The following CSMD3 variants were observed in gnomAD, a reference collection of about 807,000 sequenced individuals.
CSMD3 encodes CUB and sushi domain-containing protein 3.
A neutral mutation model predicts 435.2 loss-of-function variants in CSMD3; 177 were observed. That is an observed-to-expected ratio of 0.41 (90% confidence interval 0.36 to 0.46). The LOEUF (loss-of-function observed/expected upper bound fraction) is 0.46. Among genes scored for constraint, CSMD3 ranks in the 20% least tolerant of loss-of-function variants. The pLI, the probability that CSMD3 is intolerant of heterozygous loss-of-function variation, is 0.34. For synonymous variants in CSMD3, 1,656 were observed against 1,520.5 expected (o/e 1.09, Z -2.07); for missense variants, 4,265 against 4,504.6 (o/e 0.95, Z 1.52).
At chr8:113,219,437 A>G (rs887873537) in intron 3 of CSMD3, among the ~76,000 whole-genome samples, 3 of 151,464 alleles carry the variant, frequency 2.0e-5, no homozygotes, top group Non-Finnish European at 3.0e-5. Flanking sequence ...ATCAGTTAGA[A>G]GAAGATATAA....
chr8:113,105,186 A>G (rs944636342), intron 4 of CSMD3, among the ~76,000 whole-genome samples: 4 of 152,062 alleles, frequency 2.6e-5, no homozygotes, highest in African/African-American at 9.7e-5. Flanking sequence ...AAAAATTAAA[A>G]CTGAGAAAAA....
intron 4 of CSMD3, among the ~76,000 whole-genome samples, chr8:113,163,468 G>C (rs1481937685): frequency 6.6e-6 from 1 of 151,842 alleles, no homozygotes; most frequent in Non-Finnish European, 1.5e-5. Flanking sequence ...TTAGAAATTA[G>C]TGCTAAGTAT....
intron 14 of CSMD3, among the ~76,000 whole-genome samples, chr8:112,688,587 T>C (rs945437447): frequency 4.6e-5 from 7 of 152,108 alleles, no homozygotes; most frequent in Non-Finnish European, 8.8e-5. Flanking sequence ...TTCGTTCTCA[T>C]AAAATTTTAT....
At chr8:113,424,669 G>A (rs991097463) in intron 1 of CSMD3, among the ~76,000 whole-genome samples, 7 of 151,382 alleles carry the variant, frequency 4.6e-5, no homozygotes, top group African/African-American at 1.7e-4. Flanking sequence ...AAATACATGT[G>A]GGATCTTCAT....
chr8:112,954,000 A>G (rs2083918823), intron 8 of CSMD3, among the ~76,000 whole-genome samples: 1 of 150,946 alleles, frequency 6.6e-6, no homozygotes, highest in South Asian at 2.1e-4. Flanking sequence ...AATTTTGACT[A>G]CAAAAATACA....
chr8:112,228,986 A>T, intron 69 of CSMD3, 95 bp from the exon 70 acceptor site: 1 of 731,658 alleles, frequency 1.4e-6, no homozygotes, highest in Non-Finnish European at 2.3e-6. Context: ...TTCTCAAGAT[A>T]TCTACCTGGA....
chr8:113,264,917 G>T lies in CSMD3; in HGVS notation c.514+13675C>A, dbSNP rs1224938882. Among the ~76,000 whole-genome samples the T allele has an allele frequency of 4.6e-5, 7 of 151,658 alleles. No homozygotes were observed. The South Asian group carries it at 1.2e-3, about 27-fold the overall frequency. On this transcript the variant is annotated intron_variant, in intron 3 of 70. Transcript: ENST00000297405. ...AATCAATTTTTTTGTTAGATGGTCT[G>T]TATATCAGCTGAGTTTAACAAGCAT...
At position 113,112,454 on chromosome 8, in the gene CSMD3, TAC is replaced by T. The variant is rs1194208817; in HGVS notation, c.710-13493_710-13492del. On this transcript the variant is annotated intron_variant, in intron 4 of 70. Transcript: ENST00000297405. ...ATATATATATATATATATATGTATA[TAC>T]ACACACACACACACACGTACACACA... Among the ~76,000 whole-genome samples, 368 of 45,268 alleles carry T rather than the reference TAC, an allele frequency of 8.1e-3. 11 individuals carry two copies. The highest frequency in any genetic ancestry group is 0.029 in the African/African-American group (305 of 10,536). 29.7% of individuals were successfully genotyped at this position (45,268 alleles called of 152,430 possible). A position where few individuals can be genotyped will look rare whatever the true frequency, so the allele number is the denominator to read the frequency against.
rs562475196 is a variant in CSMD3, at chr8:112,414,859, G to A, written c.5396-5827C>T. On this transcript the variant is annotated intron_variant, in intron 32 of 70. Coordinates refer to ENST00000297405, the MANE Select transcript of CSMD3 (RefSeq NM_198123.2). ...CTCTGCTTTAGTAAAGAGACTGGTGGCATTTTGCCCCTGTGCTAGAGATGT... is the reference window on the plus strand; with the variant it reads ...CTCTGCTTTAGTAAAGAGACTGGTGACATTTTGCCCCTGTGCTAGAGATGT... Among the ~76,000 whole-genome samples the A allele has an allele frequency of 3.3e-5, 5 of 152,264 alleles. No individual in the cohort carries two copies. The South Asian group carries it at 1.0e-3, about 32-fold the overall frequency.
intron 10 of CSMD3, among the ~76,000 whole-genome samples, chr8:112,870,960 C>G (rs2081119332): frequency 1.3e-5 from 2 of 152,096 alleles, no homozygotes; most frequent in African/African-American, 4.8e-5. Context: ...ATTTCCATCT[C>G]CCCCCACCAC....
intron 22 of CSMD3, among the ~76,000 whole-genome samples, chr8:112,622,266 T>G (rs555791460): frequency 6.6e-6 from 1 of 152,138 alleles, no homozygotes; most frequent in African/African-American, 2.4e-5. Context: ...TGTCCAACTT[T>G]ACTGTTCTGC....
intron 5 of CSMD3, among the ~76,000 whole-genome samples, chr8:113,027,137 T>C (rs2086904661): frequency 6.6e-6 from 1 of 152,182 alleles, no homozygotes; most frequent in Non-Finnish European, 1.5e-5. Flanking sequence ...AACCATATTC[T>C]CTTCCTGTAG....
At chr8:112,796,917 T>C (rs1490428889) in intron 13 of CSMD3, among the ~76,000 whole-genome samples, 2 of 152,044 alleles carry the variant, frequency 1.3e-5, no homozygotes, top group East Asian at 3.9e-4. Context: ...TCATTTATGC[T>C]ATGGTATACA....
intron 1 of CSMD3, among the ~76,000 whole-genome samples, chr8:113,341,692 T>C (rs1205061580): frequency 6.6e-6 from 1 of 152,132 alleles, no homozygotes; most frequent in Non-Finnish European, 1.5e-5. Context: ...AAACTTATTA[T>C]TTGACATTTC....
intron 13 of CSMD3, among the ~76,000 whole-genome samples, chr8:112,730,988 C>A (rs1325913612): frequency 1.3e-5 from 2 of 152,106 alleles, no homozygotes; most frequent in South Asian, 4.1e-4. Context: ...AAACAACTCC[C>A]AGTCTGTAAT....
At chr8:112,944,510 T>C (rs548297233) in intron 9 of CSMD3, among the ~76,000 whole-genome samples, 2 of 151,862 alleles carry the variant, frequency 1.3e-5, no homozygotes, top group Non-Finnish European at 3.0e-5. Context: ...GATTTCCTAA[T>C]GACTACAAAA....
chr8:113,001,247 C>T (rs536466137), intron 6 of CSMD3, among the ~76,000 whole-genome samples: 257 of 152,118 alleles, frequency 1.7e-3, no homozygotes, highest in South Asian at 2.3e-3. Flanking sequence ...CATATTTTCC[C>T]TCTCTCCTGC....
At chr8:112,250,686 T>A (rs959280628) in intron 63 of CSMD3, among the ~76,000 whole-genome samples, 1 of 151,838 alleles carries the variant, frequency 6.6e-6, no homozygotes, top group Admixed American at 6.6e-5. Flanking sequence ...TTATGTACAA[T>A]TTTTTCACCA....
At chr8:112,345,144 A>G (rs1000163112) in intron 41 of CSMD3, among the ~76,000 whole-genome samples, 6 of 152,164 alleles carry the variant, frequency 3.9e-5, no homozygotes, top group African/African-American at 1.4e-4. Context: ...TGGTGGGAAT[A>G]AATATTAGTA....
Sources: allele counts gnomAD v4.1 joint callset (sites outside exome capture counted in the v4.1 genomes callset), GRCh38; gene constraint gnomAD v4.1.1; transcripts MANE v1.5; gene names NCBI Gene and HGNC (gene_info 2026-07-23, HGNC 2026-07-21).